The following WDR47 variants were observed in gnomAD, a reference collection of about 807,000 sequenced individuals.
WDR47 encodes WD repeat domain 47.
WDR47 carries 32 observed loss-of-function variants against 97.2 expected under a neutral mutation model. That is an observed-to-expected ratio of 0.33 (90% CI 0.25 to 0.44). WDR47 has a LOEUF of 0.44. WDR47 is among the 20% of genes least tolerant of loss of function. The pLI is 1.00. For synonymous variants in WDR47, 375 were observed against 373.5 expected (o/e 1.00, Z -0.05); for missense variants, 782 against 1,102.3 (o/e 0.71, Z 4.11).
intron 1 of WDR47, among the ~76,000 whole-genome samples, chr1:109,031,795 CTTTT>C (rs56318868): frequency 7.7e-5 from 6 of 78,368 alleles, no homozygotes; most frequent in African/African-American, 8.3e-5. Context: ...ATCTTTCTTT[CTTTT>C]TTTTTTTTTT....
At chr1:109,005,665 G>A (rs144120400) in intron 5 of WDR47, among the ~76,000 whole-genome samples, 7 of 152,088 alleles carry the variant, frequency 4.6e-5, no homozygotes, top group African/African-American at 9.6e-5. Context: ...ACGAGGTCAG[G>A]AGATCGAGAC....
At chr1:109,011,823 CAT>C (rs1316219356) in intron 4 of WDR47, 105 bp from the exon 5 acceptor site, 8 of 1,078,008 alleles carry the variant, frequency 7.4e-6, no homozygotes, top group Middle Eastern at 3.2e-4. Context: ...ACAGAATACT[CAT>C]ATAATTTGTA....
chr1:108,994,243 A>G (rs981305310), intron 8 of WDR47, among the ~76,000 whole-genome samples: 22 of 152,130 alleles, frequency 1.4e-4, no homozygotes, highest in African/African-American at 4.6e-4. Context: ...CAAAAATACA[A>G]AACATTAGCT....
rs1266947072 is a variant in WDR47, at chr1:109,017,472, GCTTC to G, written c.242+42_242+45del. ...AAATTTTTGTTCATTGTTTTGCTAAGCTTCTACCAATGATGAGACACTAAAAACT... is the reference window on the plus strand; with the variant it reads ...AAATTTTTGTTCATTGTTTTGCTAAGTACCAATGATGAGACACTAAAAACT... On this transcript the variant is annotated intron_variant, in intron 3 of 14. Transcript: ENST00000369962. 3 of 1,498,378 alleles carry G rather than the reference GCTTC, an allele frequency of 2.0e-6. No individual in the cohort carries two copies. In the African/African-American group the frequency reaches 4.2e-5, roughly 21 times the overall value. The allele number at this position is 1,498,378 out of a possible 1,614,324, so 92.8% of individuals were successfully genotyped here. A position where few individuals can be genotyped will look rare whatever the true frequency, so the allele number is the denominator to read the frequency against.
chr1:109,031,652 A>C (rs1455951593), intron 1 of WDR47, among the ~76,000 whole-genome samples: 1 of 139,332 alleles, frequency 7.2e-6, no homozygotes, highest in East Asian at 2.1e-4. Flanking sequence ...TAAATAACAA[A>C]TTTACATTTG....
At chr1:109,025,694 A>C (rs1353412648) in intron 1 of WDR47, among the ~76,000 whole-genome samples, 1 of 152,114 alleles carries the variant, frequency 6.6e-6, no homozygotes, top group East Asian at 1.9e-4. Context: ...AGATTGTGCC[A>C]CTGCACTCCA....
intron 3 of WDR47, among the ~76,000 whole-genome samples, chr1:109,015,114 T>C (rs767617198): frequency 6.6e-6 from 1 of 152,022 alleles, no homozygotes; most frequent in Non-Finnish European, 1.5e-5. Context: ...AGGCAGGAGA[T>C]GGTGAAGGGA....
Position 108,971,393 on chromosome 1 carries a change from C to G in WDR47, c.*37G>C. 1 of 1,612,496 alleles carries G rather than the reference C, an allele frequency of 6.2e-7. No individual in the cohort carries two copies. Among genetic ancestry groups the G allele is most frequent in the Non-Finnish European group, 8.5e-7 (1 of 1,179,094 alleles). ...TTCACAACTCAGTAGTCTTAAGTCT[C>G]TGTGCTTTTGCTGCATAGACTGACA... On this transcript the variant is annotated 3_prime_UTR_variant, in exon 15 of 15. Coordinates refer to ENST00000369962, the MANE Select transcript of WDR47 (RefSeq NM_001142551.2).
chr1:109,033,702 C>G (rs756999412), intron 1 of WDR47, among the ~76,000 whole-genome samples: 1 of 152,214 alleles, frequency 6.6e-6, no homozygotes, highest in Non-Finnish European at 1.5e-5. Flanking sequence ...GGGCAGATCA[C>G]AAGGTCAGGA....
intron 8 of WDR47, among the ~76,000 whole-genome samples, chr1:108,995,200 C>T (rs1659656476): frequency 6.6e-6 from 1 of 152,154 alleles, no homozygotes; most frequent in Non-Finnish European, 1.5e-5. Flanking sequence ...ATCATTCCAC[C>T]AGATTGTAAA....
chr1:108,991,362 C>G, intron 8 of WDR47, 33 bp from the exon 9 acceptor site: 1 of 1,563,618 alleles, frequency 6.4e-7, no homozygotes. Flanking sequence ...AAAGTTTACT[C>G]CATGTATCAA....
At chr1:109,023,817 A>G (rs1662018370) in intron 1 of WDR47, among the ~76,000 whole-genome samples, 1 of 152,208 alleles carries the variant, frequency 6.6e-6, no homozygotes, top group Non-Finnish European at 1.5e-5. Context: ...AGAGATAAAG[A>G]TGAAACAAGA....
At chr1:109,026,158 C>T (rs777304543) in intron 1 of WDR47, among the ~76,000 whole-genome samples, 1 of 152,112 alleles carries the variant, frequency 6.6e-6, no homozygotes, top group East Asian at 1.9e-4. Flanking sequence ...GTGATCCTCC[C>T]GCTTCAGCCT....
chr1:109,030,783 A>C (rs1380357878), intron 1 of WDR47, among the ~76,000 whole-genome samples: 1 of 137,980 alleles, frequency 7.2e-6, no homozygotes, highest in Non-Finnish European at 1.6e-5. Context: ...AAGGAGAAAA[A>C]AACTGCTAGC....
At chr1:109,007,711 AGAG>A (rs1660724377) in intron 5 of WDR47, among the ~76,000 whole-genome samples, 2 of 152,216 alleles carry the variant, frequency 1.3e-5, no homozygotes, top group South Asian at 4.1e-4. Context: ...TTTATTATAT[AGAG>A]AAGATAACTG....
chr1:108,991,139 G>A, intron 9 of WDR47, 115 bp downstream of exon 9: 1 of 888,468 alleles, frequency 1.1e-6, no homozygotes, highest in Non-Finnish European at 1.7e-6. Flanking sequence ...CGGCCTCCTG[G>A]GTACTGTACA....
intron 2 of WDR47, among the ~76,000 whole-genome samples, chr1:109,021,833 A>G (rs1189004242): frequency 6.6e-6 from 1 of 151,096 alleles, no homozygotes; most frequent in Non-Finnish European, 1.5e-5. Context: ...GGCCTTTTTT[A>G]ATTTATTATT....
chr1:109,011,033 GT>G lies in WDR47; in HGVS notation c.1012del (p.Thr338LeufsTer103). ...DKRISDLGNK[T>X]SPMSHSFANF... ...AGCAAAGGAGTGTGACATTGGAGAA[GT>G]TTTGTTTCCAAGGTCTGAAATTCTC... On this transcript the variant is annotated frameshift_variant, in exon 5 of 15. Coordinates refer to ENST00000369962, the MANE Select transcript of WDR47 (RefSeq NM_001142551.2). LOFTEE classifies it high-confidence loss of function. The G allele has an allele frequency of 6.2e-7, 1 of 1,614,168 alleles. No homozygotes were observed. Among genetic ancestry groups the G allele is most frequent in the Middle Eastern group, 1.6e-4 (1 of 6,062 alleles).
chr1:108,985,971 G>C (rs917171124), intron 10 of WDR47, among the ~76,000 whole-genome samples: 1 of 129,038 alleles, frequency 7.7e-6, no homozygotes, highest in African/African-American at 3.1e-5. Flanking sequence ...CAGACATAGA[G>C]ATAGCAAAAA....
Sources: gnomAD v4.1 joint callset for allele counts (sites outside exome capture counted in the v4.1 genomes callset) on GRCh38, gnomAD v4.1.1 for gene constraint, MANE v1.5 for transcripts, NCBI Gene and HGNC (gene_info 2026-07-23, HGNC 2026-07-21) for gene names.